RBM6: variants seen among roughly 807,000 people sequenced by gnomAD.
RBM6 encodes RNA-binding protein 6.
RBM6 carries 23 observed loss-of-function variants against 140.4 expected under a neutral mutation model. The observed-to-expected ratio is 0.16, with a 90% CI of 0.12 to 0.23. RBM6 has a LOEUF of 0.23. Among genes scored for constraint, RBM6 ranks in the 10% least tolerant of loss-of-function variants. The pLI is 1.00. For missense variants in RBM6, 1,139 were observed against 1,386.7 expected (o/e 0.82, Z 2.84); for synonymous variants, 439 against 475.6 (o/e 0.92, Z 1.00).
In RBM6 at chr3:50,017,518, A is replaced by C. The variant is rs370062938; in HGVS notation, c.1557+18005A>C. Among the ~76,000 whole-genome samples, 4 of 151,314 alleles carry C rather than the reference A, an allele frequency of 2.6e-5. No individual in the cohort carries two copies. The East Asian group carries it at 7.8e-4, about 29-fold the overall frequency. ...GCGTGCAGTGAGCCAAGATCGCGCC[A>C]CTGCACTCCAGCCTGGGCGACAGAG... On this transcript the variant is annotated intron_variant, in intron 6 of 20. Transcript: ENST00000266022.
intron 7 of RBM6, 136 bp downstream of exon 7, chr3:50,048,455 G>C: frequency 2.7e-6 from 4 of 1,461,426 alleles, no homozygotes; most frequent in Non-Finnish European, 3.6e-6. Context: ...AGTTGAACAG[G>C]AGGAGGTCAA....
chr3:49,976,459 C>T (rs137995374), intron 5 of RBM6, among the ~76,000 whole-genome samples: 9 of 152,160 alleles, frequency 5.9e-5, no homozygotes, highest in Admixed American at 1.3e-4. Flanking sequence ...AAACATCAAC[C>T]CTGAATTTGT....
chr3:50,070,429 AG>A, intron 18 of RBM6, 25 bp from the exon 19 acceptor site: 1 of 1,545,986 alleles, frequency 6.5e-7, no homozygotes. Context: ...TGGCAATCTC[AG>A]GTCTGCTCTT....
chr3:50,051,509 C>T (rs1284330033), intron 7 of RBM6, among the ~76,000 whole-genome samples: 5 of 152,178 alleles, frequency 3.3e-5, no homozygotes, highest in African/African-American at 9.6e-5. Flanking sequence ...GGCATGGTGG[C>T]ACATGCCTGT....
intron 1 of RBM6, among the ~76,000 whole-genome samples, chr3:49,948,532 A>G (rs779699105): frequency 3.3e-5 from 5 of 151,676 alleles, no homozygotes; most frequent in Non-Finnish European, 5.9e-5. Context: ...GGCCAATGTC[A>G]TGAAACCTAG....
Position 49,999,037 on chromosome 3 carries a change from C to CT in RBM6, c.1484-386dup, listed in dbSNP as rs59944289. Among the ~76,000 whole-genome samples the CT allele has an allele frequency of 8.7e-3, 1,169 of 134,898 alleles. 3 individuals are homozygous for CT. The highest frequency in any genetic ancestry group is 0.011 in the African/African-American group (409 of 36,844). The allele number at this position is 134,898 out of a possible 152,430, so 88.5% of individuals were successfully genotyped here. ...GCTTTTTTTTCTTCTCTCGGGATAC[C>CT]TTTTTTTTTTTTTTTTTCCAGATAC... On this transcript the variant is annotated intron_variant, in intron 5 of 20. Coordinates refer to ENST00000266022, the MANE Select transcript of RBM6 (RefSeq NM_005777.3).
intron 6 of RBM6, among the ~76,000 whole-genome samples, chr3:50,024,882 T>C (rs1220638473): frequency 1.3e-5 from 2 of 151,744 alleles, no homozygotes; most frequent in African/African-American, 4.8e-5. Flanking sequence ...TCCCAGCTAC[T>C]TGAGATGCTG....
intron 19 of RBM6, 29 bp from the exon 20 acceptor site, chr3:50,075,168 AAAAG>A: frequency 6.3e-7 from 1 of 1,583,284 alleles, no homozygotes. Context: ...AAAAAAAAAA[AAAAG>A]GAAGTGATGG....
intron 6 of RBM6, among the ~76,000 whole-genome samples, chr3:50,031,588 G>C (rs541212307): frequency 1.3e-5 from 2 of 152,006 alleles, no homozygotes; most frequent in Admixed American, 1.3e-4. Flanking sequence ...TCGTGGGGTG[G>C]GGGAGGGGGG....
intron 7 of RBM6, among the ~76,000 whole-genome samples, chr3:50,053,270 A>G (rs2089552103): frequency 6.6e-6 from 1 of 152,096 alleles, no homozygotes; most frequent in Non-Finnish European, 1.5e-5. Flanking sequence ...AGTGACTCAC[A>G]CCTATAATCC....
At chr3:50,006,864 G>A (rs780755329) in intron 6 of RBM6, among the ~76,000 whole-genome samples, 15 of 150,936 alleles carry the variant, frequency 9.9e-5, no homozygotes, top group Non-Finnish European at 1.6e-4. Flanking sequence ...ACTGGGAGGC[G>A]GAGCTTGCAG....
chr3:50,077,141 G>T lies in RBM6; in HGVS notation c.*8G>T. 6.2e-7 allele frequency: 1 copy of T among 1,607,752 alleles called. No homozygotes were observed. The highest frequency in any genetic ancestry group is 1.1e-5 in the South Asian group (1 of 90,138). ...TATAAAGAACTCGATTAAGAAAGGA[G>T]ACAAGTTCCATGGGATACAACCTCC... On this transcript the variant is annotated 3_prime_UTR_variant, in exon 21 of 21. Transcript: ENST00000266022.
intron 4 of RBM6, among the ~76,000 whole-genome samples, chr3:49,974,917 C>T (rs1413686494): frequency 6.6e-6 from 1 of 151,540 alleles, no homozygotes; most frequent in East Asian, 1.9e-4. Flanking sequence ...GAACTCCTGA[C>T]CTCAGGTTAT....
At chr3:49,962,807 T>TC in intron 2 of RBM6, 122 bp downstream of exon 2, 1 of 1,134,236 alleles carries the variant, frequency 8.8e-7, no homozygotes, top group Non-Finnish European at 1.2e-6. Context: ...TTTTTAAAAA[T>TC]AGAAATTTGG....
chr3:50,071,521 A>G (rs2090295838), intron 19 of RBM6, among the ~76,000 whole-genome samples: 1 of 146,568 alleles, frequency 6.8e-6, no homozygotes, highest in Non-Finnish European at 1.5e-5. Context: ...TGATGAGTCT[A>G]GAAAGGAGAG....
intron 5 of RBM6, among the ~76,000 whole-genome samples, chr3:49,984,318 T>G (rs2085446559): frequency 6.6e-6 from 1 of 151,102 alleles, no homozygotes; most frequent in African/African-American, 2.4e-5. Context: ...AATAAAATGG[T>G]GAATGTAAAA....
rs2088183226 is a variant in RBM6, at chr3:50,031,806, C to T, written c.1558-16439C>T. Among the ~76,000 whole-genome samples, 3 of 151,744 alleles carry T rather than the reference C, an allele frequency of 2.0e-5. No individual in the cohort carries two copies. The South Asian group carries it at 6.2e-4, about 32-fold the overall frequency. ...GACTTAATTGTACATTTTAAAATAA[C>T]ATAAAAAGAAAAAAATAAAATAATG... On this transcript the variant is annotated intron_variant, in intron 6 of 20. Transcript: ENST00000266022.
chr3:50,024,209 T>C (rs892950947), intron 6 of RBM6, among the ~76,000 whole-genome samples: 3 of 152,214 alleles, frequency 2.0e-5, no homozygotes, highest in Non-Finnish European at 2.9e-5. Context: ...TTGAATAAAA[T>C]AGACTTTTGA....
rs777056820 is a variant in RBM6, at chr3:49,972,066, A to G, written c.1331A>G (p.Asp444Gly). 1.9e-6 allele frequency: 3 copies of G among 1,608,716 alleles called. No individual in the cohort carries two copies. Among genetic ancestry groups the G allele is most frequent in the Non-Finnish European group, 2.6e-6 (3 of 1,175,784 alleles). The change falls in exon 4 of 21, where the codon GAT (aspartate) becomes GGT (glycine). Residue 444 changes from aspartate to glycine, a missense_variant. Physicochemically the swap from Asp to Gly is moderately conservative, Grantham distance 94 (BLOSUM62 -1). Around this residue, in one of 9 missense-constraint regions of RBM6, gnomAD observed 566 missense variants for 612.7 expected, o/e 0.92. Coordinates refer to ENST00000266022, the MANE Select transcript of RBM6 (RefSeq NM_005777.3). ...TTTCATTCTCAATTTAAGGATCAAG[A>G]TTATAGGACCGGCCCAAGTGAGGAG... The part of the protein sequence containing the change: ...RDAQRDLQDQ[D>G]YRTGPSEEKP...
Sources: gnomAD v4.1 joint callset for allele counts (sites outside exome capture counted in the v4.1 genomes callset) on GRCh38, gnomAD v4.1.1 for gene constraint, gnomAD v4.1.1 regional missense constraint, MANE v1.5 for transcripts, NCBI Gene and HGNC (gene_info 2026-07-23, HGNC 2026-07-21) for gene names.